The following CNTN3 variants were observed in gnomAD, a reference collection of about 807,000 sequenced individuals.
CNTN3 encodes contactin 3, also known as contactin-3.
In CNTN3, 60 loss-of-function variants were observed where a neutral mutation model predicts 119.1. That is an observed-to-expected ratio of 0.50 (90% CI 0.41 to 0.62). CNTN3 has a LOEUF of 0.62. Among genes scored for constraint, CNTN3 ranks in the 20% least tolerant of loss-of-function variants. CNTN3 has a pLI of 0.00. For synonymous variants in CNTN3, 450 were observed against 438.7 expected (o/e 1.03, Z -0.32); for missense variants, 1,101 against 1,242.4 (o/e 0.89, Z 1.71).
chr3:74,393,026 T>G (rs1482277478), intron 5 of CNTN3, among the ~76,000 whole-genome samples: 1 of 152,148 alleles, frequency 6.6e-6, no homozygotes, highest in Non-Finnish European at 1.5e-5. Context: ...AAAGGTGCTA[T>G]TTTAAGATCT....
chr3:74,341,660 A>C (rs1004526753), intron 11 of CNTN3, among the ~76,000 whole-genome samples: 1 of 152,072 alleles, frequency 6.6e-6, no homozygotes, highest in Non-Finnish European at 1.5e-5. Context: ...AGCTGCTCTA[A>C]TGGCTCATGT....
chr3:74,316,505 A>G (rs1702833644), intron 13 of CNTN3, among the ~76,000 whole-genome samples: 1 of 152,150 alleles, frequency 6.6e-6, no homozygotes, highest in South Asian at 2.1e-4. Context: ...AGAGGAAAAT[A>G]AAGCATTCTG....
At chr3:74,379,641 G>A (rs2106807297) in intron 5 of CNTN3, among the ~76,000 whole-genome samples, 1 of 152,218 alleles carries the variant, frequency 6.6e-6, no homozygotes, top group Non-Finnish European at 1.5e-5. Flanking sequence ...ATTTTAAAGA[G>A]AACATCTCCT....
intron 11 of CNTN3, among the ~76,000 whole-genome samples, chr3:74,353,780 A>G (rs1006140832): frequency 1.3e-5 from 2 of 152,076 alleles, no homozygotes; most frequent in East Asian, 3.9e-4. Flanking sequence ...TTAATTAATT[A>G]AATAAAATAA....
At chr3:74,332,537 T>C (rs958762824) in intron 13 of CNTN3, among the ~76,000 whole-genome samples, 6 of 152,230 alleles carry the variant, frequency 3.9e-5, no homozygotes, top group African/African-American at 1.4e-4. Context: ...ATAGTTAAAT[T>C]ACATTATAAA....
intron 5 of CNTN3, among the ~76,000 whole-genome samples, chr3:74,421,890 A>G (rs1013598987): frequency 6.6e-6 from 1 of 152,222 alleles, no homozygotes; most frequent in African/African-American, 2.4e-5. Flanking sequence ...GGCTGATACC[A>G]GCTGCTGTGG....
intron 5 of CNTN3, among the ~76,000 whole-genome samples, chr3:74,380,801 A>C (rs1366420552): frequency 1.3e-5 from 2 of 152,234 alleles, no homozygotes; most frequent in Non-Finnish European, 2.9e-5. Context: ...GCTGCGTCAC[A>C]ATAACACTGT....
At chr3:74,340,424 A>G (rs924185468) in intron 11 of CNTN3, among the ~76,000 whole-genome samples, 2 of 152,082 alleles carry the variant, frequency 1.3e-5, no homozygotes, top group African/African-American at 4.8e-5. Flanking sequence ...AAAAAGAGTG[A>G]GAGAGGAAAC....
intron 2 of CNTN3, among the ~76,000 whole-genome samples, chr3:74,510,751 T>C (rs936496668): frequency 2.6e-5 from 4 of 152,124 alleles, no homozygotes; most frequent in African/African-American, 9.7e-5. Context: ...TCCCCAAATC[T>C]ATGAGAAATC....
chr3:74,523,914 A>C (rs2107125951), intron 1 of CNTN3, among the ~76,000 whole-genome samples: 1 of 152,002 alleles, frequency 6.6e-6, no homozygotes, highest in Non-Finnish European at 1.5e-5. Flanking sequence ...AATGTTCCAA[A>C]TACCCTTTCA....
chr3:74,361,787 A>T, intron 11 of CNTN3, 103 bp downstream of exon 11: 1 of 1,183,200 alleles, frequency 8.5e-7, no homozygotes, highest in Non-Finnish European at 1.2e-6. Context: ...CTCACATGCT[A>T]CTGAAATGCT....
chr3:74,564,854 A>G (rs1704203793), intron 1 of CNTN3, among the ~76,000 whole-genome samples: 1 of 151,960 alleles, frequency 6.6e-6, no homozygotes, highest in Non-Finnish European at 1.5e-5. Flanking sequence ...GCAATTAAGA[A>G]CTCCAAAGAT....
At chr3:74,533,219 C>T (rs997247737) in intron 1 of CNTN3, among the ~76,000 whole-genome samples, 4 of 151,998 alleles carry the variant, frequency 2.6e-5, no homozygotes, top group Admixed American at 2.6e-4. Flanking sequence ...TTTATAGAGT[C>T]ACTCCATTTT....
chr3:74,274,757 C>T (rs1701847918), intron 20 of CNTN3, among the ~76,000 whole-genome samples: 1 of 151,946 alleles, frequency 6.6e-6, no homozygotes, highest in South Asian at 2.1e-4. Flanking sequence ...TTTAACAACC[C>T]CCAAAAATCA....
chr3:74,523,786 C>T (rs909789604), intron 1 of CNTN3, among the ~76,000 whole-genome samples: 1 of 151,744 alleles, frequency 6.6e-6, no homozygotes, highest in South Asian at 2.1e-4. Context: ...GGTCTGCATC[C>T]TAATATTGTA....
intron 5 of CNTN3, among the ~76,000 whole-genome samples, chr3:74,390,962 CATATGATA>C (rs1704882212): frequency 6.6e-6 from 1 of 152,170 alleles, no homozygotes; most frequent in African/African-American, 2.4e-5. Context: ...CTCTATTTAT[CATATGATA>C]ATATGAACTC....
intron 8 of CNTN3, among the ~76,000 whole-genome samples, chr3:74,366,772 G>GTATA (rs1308606541): frequency 4.6e-5 from 2 of 43,494 alleles, no homozygotes; most frequent in African/African-American, 2.5e-4. Context: ...GTGTGTGTGT[G>GTATA]TGTGTGTGTA....
At chr3:74,329,313 A>C (rs774572588) in intron 13 of CNTN3, among the ~76,000 whole-genome samples, 1 of 152,204 alleles carries the variant, frequency 6.6e-6, no homozygotes, top group African/African-American at 2.4e-5. Context: ...GTCACTGCTC[A>C]AGTTTTTATT....
chr3:74,319,187 A>C (rs564309413), intron 13 of CNTN3, among the ~76,000 whole-genome samples: 2 of 152,260 alleles, frequency 1.3e-5, no homozygotes, highest in Non-Finnish European at 2.9e-5. Flanking sequence ...TATGGAACCA[A>C]AAAAGAGCCG....
Sources: gnomAD v4.1 joint callset for allele counts (sites outside exome capture counted in the v4.1 genomes callset) on GRCh38, gnomAD v4.1.1 for gene constraint, MANE v1.5 for transcripts, NCBI Gene and HGNC (gene_info 2026-07-23, HGNC 2026-07-21) for gene names.